CDCP1: variants seen among roughly 807,000 people sequenced by gnomAD.
CDCP1 encodes the protein CUB domain-containing protein 1.
In CDCP1, 29 loss-of-function variants were observed where a neutral mutation model predicts 60.2. The ratio of observed to expected loss-of-function variants is 0.48; its 90% CI spans 0.36 to 0.66. The LOEUF is 0.66. CDCP1 is among the 30% of genes least tolerant of loss of function. The probability of loss-of-function intolerance (pLI) is 0.00; values close to 1 mark genes in which losing one functional copy is unlikely to be tolerated. For synonymous variants in CDCP1, 387 were observed against 431.1 expected (o/e 0.90, Z 1.27); for missense variants, 876 against 1,074.3 (o/e 0.82, Z 2.58).
At chr3:45,108,681 C>G in intron 4 of CDCP1, among the ~76,000 whole-genome samples, 1 of 138,730 alleles carries the variant, frequency 7.2e-6, no homozygotes, top group South Asian at 2.3e-4. Context: ...CACACACACA[C>G]TATATATATA....
chr3:45,112,385 A>C lies in CDCP1; in HGVS notation c.353T>G (p.Leu118Trp). 1 of 1,614,226 alleles carries C rather than the reference A, an allele frequency of 6.2e-7. No individual in the cohort carries two copies. The highest frequency in any genetic ancestry group is 1.7e-5 in the Admixed American group (1 of 60,030). ...GATGAAAGTTCTGTTGAGGGTAGGC[A>C]ACAACGATGTCGAGGGCTGAAGCTG... ...EVQLQPSTSL[L>W]PTLNRTFIWD... is the part of the protein sequence containing the mutation. Residue 118 changes from leucine to tryptophan, a missense_variant, in exon 3 of 9, where the codon TTG becomes TGG. Physicochemically the swap from Leu to Trp is moderately conservative, Grantham distance 61. Around this residue, in one of 2 missense-constraint regions of CDCP1, gnomAD observed 726 missense variants for 935.7 expected, o/e 0.78. Coordinates refer to ENST00000296129, the MANE Select transcript of CDCP1 (RefSeq NM_022842.5).
chr3:45,102,166 G>A (rs1698493589), intron 4 of CDCP1, among the ~76,000 whole-genome samples: 1 of 151,900 alleles, frequency 6.6e-6, no homozygotes, highest in East Asian at 2.0e-4. Flanking sequence ...CTGCCTCCCA[G>A]GTTCAAGTGA....
intron 1 of CDCP1, among the ~76,000 whole-genome samples, chr3:45,132,587 C>T (rs2126006869): frequency 4.3e-5 from 1 of 23,480 alleles, no homozygotes; most frequent in East Asian, 0.12. Context: ...TGTAATACTC[C>T]CTGCTTCTGT....
intron 2 of CDCP1, among the ~76,000 whole-genome samples, chr3:45,115,565 C>T (rs1698774125): frequency 1.3e-5 from 2 of 152,192 alleles, no homozygotes; most frequent in South Asian, 4.1e-4. Context: ...TAGCAACACA[C>T]CATTCCACTG....
intron 1 of CDCP1, among the ~76,000 whole-genome samples, chr3:45,135,556 C>A (rs886358664): frequency 1.3e-5 from 2 of 152,196 alleles, no homozygotes; most frequent in Non-Finnish European, 2.9e-5. Flanking sequence ...AGGATTAACT[C>A]TGAATTGCGT....
At chr3:45,095,825 T>A in intron 4 of CDCP1, among the ~76,000 whole-genome samples, 1 of 150,902 alleles carries the variant, frequency 6.6e-6, no homozygotes, top group African/African-American at 2.4e-5. Context: ...ATTATAAAAG[T>A]GAAAAAAAGA....
chr3:45,093,167 T>C, intron 6 of CDCP1, 110 bp downstream of exon 6: 16 of 1,259,380 alleles, frequency 1.3e-5, no homozygotes, highest in Non-Finnish European at 1.8e-5. Context: ...ACCAGCATAT[T>C]GAGCTATCCC....
chr3:45,108,953 AT>A (rs71092350), intron 4 of CDCP1, among the ~76,000 whole-genome samples: 2 of 41,134 alleles, frequency 4.9e-5, no homozygotes, highest in African/African-American at 9.7e-5. Flanking sequence ...ATATATATAT[AT>A]TTTTTTTTTT....
At chr3:45,110,425 A>G in intron 4 of CDCP1, 48 bp downstream of exon 4, 6 of 1,596,738 alleles carry the variant, frequency 3.8e-6, no homozygotes, top group Non-Finnish European at 5.1e-6. Context: ...CCCAGGAAAC[A>G]ACGAAGGTGC....
chr3:45,108,436 T>A (rs1698609178), intron 4 of CDCP1, among the ~76,000 whole-genome samples: 1 of 152,158 alleles, frequency 6.6e-6, no homozygotes, highest in Non-Finnish European at 1.5e-5. Flanking sequence ...TGATGCTGTT[T>A]ATAGCACGTT....
In CDCP1 at chr3:45,084,939, C is replaced by T. The variant is rs190599509; in HGVS notation, c.*699G>A. The T allele has an allele frequency of 2.0e-3, 310 of 152,726 alleles. 1 individual carries two copies. The highest frequency in any genetic ancestry group is 3.3e-3 in the Non-Finnish European group (222 of 68,034). The allele number at this position is 152,726 out of a possible 1,614,324, so 9.5% of individuals were successfully genotyped here. ...ATGAATTTCCACAATGGGATAACCACGAACCGACCTAGAGAATCAGGAAGT... is the reference window on the plus strand; with the variant it reads ...ATGAATTTCCACAATGGGATAACCATGAACCGACCTAGAGAATCAGGAAGT... On this transcript the variant is annotated 3_prime_UTR_variant, in exon 9 of 9. Coordinates refer to ENST00000296129, the MANE Select transcript of CDCP1 (RefSeq NM_022842.5).
chr3:45,145,754 G>A (rs1289717697), intron 1 of CDCP1, among the ~76,000 whole-genome samples: 1 of 152,192 alleles, frequency 6.6e-6, no homozygotes, highest in African/African-American at 2.4e-5. Context: ...CAGGCGAGGA[G>A]GTAGAGGGCG....
intron 8 of CDCP1, among the ~76,000 whole-genome samples, chr3:45,088,020 T>TAAA (rs11423025): frequency 0.24 from 36,148 of 149,044 alleles, 4,359 homozygotes; most frequent in Non-Finnish European, 0.26. Flanking sequence ...GACTCTGTCT[T>TAAA]AAAAAAAAAA....
chr3:45,135,161 TCAATGTTGGGACCAGC>T (rs1699171822), intron 1 of CDCP1, among the ~76,000 whole-genome samples: 1 of 151,168 alleles, frequency 6.6e-6, no homozygotes, highest in Non-Finnish European at 1.5e-5. Context: ...CAAGACAGTG[TCAATGTTGGGACCAGC>T]CAGTGATCTT....
intron 1 of CDCP1, among the ~76,000 whole-genome samples, chr3:45,132,484 T>A (rs1029654972): frequency 6.6e-6 from 1 of 152,042 alleles, no homozygotes; most frequent in Non-Finnish European, 1.5e-5. Flanking sequence ...GCTTTGAAAA[T>A]CCACTCATGG....
Position 45,093,096 on chromosome 3 carries a change from T to C in CDCP1, c.1627+181A>G, listed in dbSNP as rs550516302. ...TATTTCTAATCTCAGGAATTTTCCA[T>C]GCTAGGTTAATGGTAAAGTCAGGAT... is the stretch of plus-strand genomic sequence containing the variant. On this transcript the variant is annotated intron_variant, in intron 6 of 8. Coordinates refer to ENST00000296129, the MANE Select transcript of CDCP1 (RefSeq NM_022842.5). Among the ~76,000 whole-genome samples, 10 of 152,342 alleles carry C rather than the reference T, an allele frequency of 6.6e-5. No individual in the cohort carries two copies. The East Asian group carries it at 1.9e-3, about 29-fold the overall frequency.
intron 2 of CDCP1, 99 bp from the exon 3 acceptor site, chr3:45,112,544 G>A: frequency 1.3e-6 from 2 of 1,511,060 alleles, no homozygotes; most frequent in South Asian, 1.3e-5. Flanking sequence ...ACTCTTTGGG[G>A]CTCCCCCAAG....
At position 45,084,353 on chromosome 3, in the gene CDCP1, G is replaced by A. The variant is rs1265839723; in HGVS notation, c.*1285C>T. On this transcript the variant is annotated 3_prime_UTR_variant, in exon 9 of 9. Transcript: ENST00000296129. Reference sequence around the variant, plus strand: ...GTAGGCAGAATAACAGCACCCCAAAGATGTTCTGGTCCTAATCCCCACCTG... The same window carrying A: ...GTAGGCAGAATAACAGCACCCCAAAAATGTTCTGGTCCTAATCCCCACCTG... The A allele has an allele frequency of 2.6e-5, 4 of 152,248 alleles. No homozygotes were observed. The highest frequency in any genetic ancestry group is 5.9e-5 in the Non-Finnish European group (4 of 68,068). The allele number at this position is 152,248 out of a possible 1,614,324, so 9.4% of individuals were successfully genotyped here. A position where few individuals can be genotyped will look rare whatever the true frequency, so the allele number is the denominator to read the frequency against.
intron 1 of CDCP1, among the ~76,000 whole-genome samples, chr3:45,131,509 G>C (rs1455797259): frequency 6.6e-6 from 1 of 152,068 alleles, no homozygotes; most frequent in Non-Finnish European, 1.5e-5. Flanking sequence ...CTATGAATTT[G>C]ACTACTAATC....
Sources: gnomAD v4.1 joint callset for allele counts (sites outside exome capture counted in the v4.1 genomes callset) on GRCh38, gnomAD v4.1.1 for gene constraint, gnomAD v4.1.1 regional missense constraint, MANE v1.5 for transcripts, NCBI Gene and HGNC (gene_info 2026-07-23, HGNC 2026-07-21) for gene names.